Variants in NEGR1 observed in about 807,000 individuals in gnomAD.
NEGR1 encodes the protein IgLON family member 4.
In NEGR1, 10 loss-of-function variants were observed where a neutral mutation model predicts 40.9. The ratio of observed to expected loss-of-function variants is 0.24; its 90% CI spans 0.15 to 0.42. The LOEUF (loss-of-function observed/expected upper bound fraction) is 0.42. Ranked by LOEUF, NEGR1 falls within the 10% of genes least tolerant of loss-of-function variation. The pLI is 1.00. For missense variants in NEGR1, 352 were observed against 438.9 expected (o/e 0.80, Z 1.77); for synonymous variants, 185 against 166.8 (o/e 1.11, Z -0.84).
chr1:71,797,716 A>G (rs1657390281), intron 2 of NEGR1, among the ~76,000 whole-genome samples: 1 of 152,146 alleles, frequency 6.6e-6, no homozygotes, highest in African/African-American at 2.4e-5. Context: ...TTTAAGTTTC[A>G]GAATGGCTCT....
At chr1:72,168,382 C>T (rs779292011) in intron 1 of NEGR1, among the ~76,000 whole-genome samples, 3 of 152,034 alleles carry the variant, frequency 2.0e-5, no homozygotes, top group South Asian at 2.1e-4. Context: ...CTTCCATGTC[C>T]TCTTTCTTTC....
intron 4 of NEGR1, among the ~76,000 whole-genome samples, chr1:71,690,090 C>T (rs1653201454): frequency 6.6e-6 from 1 of 152,008 alleles, no homozygotes; most frequent in African/African-American, 2.4e-5. Flanking sequence ...TTCTACCATA[C>T]TCTGCCCCTA....
At chr1:72,119,879 T>G (rs553080524) in intron 1 of NEGR1, among the ~76,000 whole-genome samples, 1 of 151,970 alleles carries the variant, frequency 6.6e-6, no homozygotes, top group African/African-American at 2.4e-5. Context: ...AATAGACACT[T>G]GGTTACACTC....
At chr1:72,248,129 C>A (rs1462364711) in intron 1 of NEGR1, among the ~76,000 whole-genome samples, 3 of 152,072 alleles carry the variant, frequency 2.0e-5, no homozygotes, top group Admixed American at 1.3e-4. Flanking sequence ...TCTCACCAGC[C>A]CCACTTCCAG....
chr1:71,605,118 A>G (rs1345137944), intron 5 of NEGR1, among the ~76,000 whole-genome samples: 2 of 152,190 alleles, frequency 1.3e-5, no homozygotes, highest in Non-Finnish European at 2.9e-5. Context: ...AAGCACTTCT[A>G]CAATTAGCCC....
At chr1:72,075,648 T>C (rs1226621061) in intron 1 of NEGR1, among the ~76,000 whole-genome samples, 1 of 152,200 alleles carries the variant, frequency 6.6e-6, no homozygotes, top group East Asian at 1.9e-4. Flanking sequence ...ACTACCCAGG[T>C]CCTTTCAACA....
chr1:71,752,896 G>C (rs1170173989), intron 3 of NEGR1, among the ~76,000 whole-genome samples: 1 of 152,070 alleles, frequency 6.6e-6, no homozygotes, highest in Non-Finnish European at 1.5e-5. Flanking sequence ...TAGTCATTTT[G>C]ATGTGAAAAT....
chr1:71,429,253 T>C (rs1395693037), intron 6 of NEGR1, among the ~76,000 whole-genome samples: 1 of 152,206 alleles, frequency 6.6e-6, no homozygotes, highest in African/African-American at 2.4e-5. Context: ...TAGCATGTAG[T>C]ATTTAAATGG....
Position 71,749,538 on chromosome 1 carries a change from G to A in NEGR1, c.535+26634C>T, listed in dbSNP as rs147133666. On this transcript the variant is annotated intron_variant, in intron 3 of 6. Coordinates refer to ENST00000357731, the MANE Select transcript of NEGR1 (RefSeq NM_173808.3). ...TATTAATTTTATTAATTTTGAGCTCGTGTCCCTGACATCCTATTTTTGACA... is the reference window on the plus strand; with the variant it reads ...TATTAATTTTATTAATTTTGAGCTCATGTCCCTGACATCCTATTTTTGACA... Among the ~76,000 whole-genome samples, 1,064 of 152,086 alleles carry A rather than the reference G, an allele frequency of 7.0e-3. 13 individuals carry two copies. Among genetic ancestry groups the A allele is most frequent in the African/African-American group, 0.024 (986 of 41,490 alleles).
intron 1 of NEGR1, among the ~76,000 whole-genome samples, chr1:72,111,948 G>C (rs1159624408): frequency 2.0e-5 from 3 of 151,756 alleles, no homozygotes; most frequent in South Asian, 4.1e-4. Flanking sequence ...ACCTTACCAT[G>C]TGCTAAGTTG....
At chr1:71,932,562 T>C (rs2786849) in intron 2 of NEGR1, among the ~76,000 whole-genome samples, 29,622 of 152,030 alleles carry the variant, frequency 0.19, 4,092 homozygotes, top group African/African-American at 0.39. Context: ...AGTGTCTGTG[T>C]TGATAATATA....
intron 1 of NEGR1, among the ~76,000 whole-genome samples, chr1:72,225,239 T>G (rs770346522): frequency 6.6e-6 from 1 of 151,966 alleles, no homozygotes; most frequent in Admixed American, 6.6e-5. Flanking sequence ...ACAATTTTAT[T>G]TGAATACAAG....
At chr1:71,484,353 C>A (rs1439173679) in intron 6 of NEGR1, among the ~76,000 whole-genome samples, 1 of 151,360 alleles carries the variant, frequency 6.6e-6, no homozygotes, top group African/African-American at 2.4e-5. Context: ...TTGCCTGTAA[C>A]CCTTAAATAT....
At chr1:71,793,681 A>G (rs986896711) in intron 2 of NEGR1, among the ~76,000 whole-genome samples, 1 of 152,234 alleles carries the variant, frequency 6.6e-6, no homozygotes, top group African/African-American at 2.4e-5. Context: ...TGGATTCATC[A>G]AGTGAATCCA....
chr1:72,262,213 T>G (rs1655481632), intron 1 of NEGR1, among the ~76,000 whole-genome samples: 1 of 151,998 alleles, frequency 6.6e-6, no homozygotes, highest in African/African-American at 2.4e-5. Context: ...TTTCCCTTAC[T>G]TACATAAGGT....
At chr1:71,848,005 A>G (rs1399420619) in intron 2 of NEGR1, among the ~76,000 whole-genome samples, 1 of 152,202 alleles carries the variant, frequency 6.6e-6, no homozygotes, top group African/African-American at 2.4e-5. Context: ...CTTATTGCTG[A>G]TATGGAGAAA....
At chr1:71,768,001 A>G (rs529388336) in intron 3 of NEGR1, among the ~76,000 whole-genome samples, 1 of 152,248 alleles carries the variant, frequency 6.6e-6, no homozygotes, top group Admixed American at 6.5e-5. Flanking sequence ...GCCTCTGCTT[A>G]GATTTCAAAG....
chr1:71,724,698 A>G (rs1654617092), intron 3 of NEGR1, among the ~76,000 whole-genome samples: 1 of 152,084 alleles, frequency 6.6e-6, no homozygotes, highest in Non-Finnish European at 1.5e-5. Flanking sequence ...CTCAGCCCAG[A>G]GCTAATTATC....
At chr1:72,269,748 G>A (rs1655780106) in intron 1 of NEGR1, among the ~76,000 whole-genome samples, 1 of 151,506 alleles carries the variant, frequency 6.6e-6, no homozygotes, top group Admixed American at 6.6e-5. Context: ...ATTTATGGAT[G>A]AGAGGTTTTT....
Sources: allele counts gnomAD v4.1 joint callset (sites outside exome capture counted in the v4.1 genomes callset), GRCh38; gene constraint gnomAD v4.1.1; transcripts MANE v1.5; gene names NCBI Gene and HGNC (gene_info 2026-07-23, HGNC 2026-07-21).